AEBP2: variants seen among roughly 807,000 people sequenced by gnomAD.
AEBP2 encodes AE binding protein 2, also known as zinc finger protein AEBP2.
A neutral mutation model predicts 50.8 loss-of-function variants in AEBP2; 10 were observed. That is an observed-to-expected ratio of 0.20 (90% CI 0.12 to 0.33). The LOEUF is 0.33. Among genes scored for constraint, AEBP2 ranks in the 10% least tolerant of loss-of-function variants. The pLI is 1.00. For missense variants in AEBP2, 570 were observed against 688.0 expected, an observed-to-expected ratio of 0.83 and a Z score of 1.92; for synonymous variants, 296 against 261.3, an observed-to-expected ratio of 1.13 and a Z score of -1.28.
chr12:19,434,648 T>C (rs2638413), upstream of AEBP2, among the ~76,000 whole-genome samples: 24,974 of 152,172 alleles, frequency 0.16, 3,609 homozygotes, highest in African/African-American at 0.39. Context: ...ATCAAACCTG[T>C]CACCTGATGC....
intron 1 of AEBP2, among the ~76,000 whole-genome samples, chr12:19,421,160 A>G (rs1276604715): frequency 6.6e-6 from 1 of 151,832 alleles, no homozygotes; most frequent in African/African-American, 2.4e-5. Flanking sequence ...GCCTGGCCAC[A>G]TAGTGAAACC....
At chr12:19,431,143 A>G (rs963802665) in intron 1 of AEBP2, among the ~76,000 whole-genome samples, 4 of 152,218 alleles carry the variant, frequency 2.6e-5, no homozygotes, top group Non-Finnish European at 4.4e-5. Flanking sequence ...AAATAGGGGT[A>G]TGACTAAAGC....
At position 19,512,558 on chromosome 12, in the gene AEBP2, AAAAG is replaced by A; in HGVS notation, c.1367+97_1367+100del. ...AAAAATTATTTATTAAATTCAAATA[AAAAG>A]AAATTACATTTTACAACGTTTTGAG... On this transcript the variant is annotated intron_variant, in intron 6 of 7. Coordinates refer to ENST00000266508, the MANE Select transcript of AEBP2 (RefSeq NM_153207.5). The A allele has an allele frequency of 9.1e-6, 8 of 879,132 alleles. No individual in the cohort carries two copies. In the South Asian group the frequency reaches 1.1e-4, roughly 13 times the overall value. 54.5% of individuals were successfully genotyped at this position (879,132 alleles called of 1,614,324 possible). A position where few individuals can be genotyped will look rare whatever the true frequency, so the allele number is the denominator to read the frequency against.
chr12:19,455,963 A>C (rs1289049829), intron 1 of AEBP2, among the ~76,000 whole-genome samples: 1 of 151,264 alleles, frequency 6.6e-6, no homozygotes, highest in Non-Finnish European at 1.5e-5. Flanking sequence ...TTTCCTCATT[A>C]AACTTTTTTA....
intron 3 of AEBP2, among the ~76,000 whole-genome samples, chr12:19,490,268 C>G (rs559004473): frequency 3.9e-5 from 6 of 152,140 alleles, no homozygotes; most frequent in African/African-American, 1.2e-4. Context: ...TCAGACTAGC[C>G]AAGTTTCAAA....
upstream of AEBP2, among the ~76,000 whole-genome samples, chr12:19,434,706 C>G (rs534581522): frequency 6.6e-6 from 1 of 152,156 alleles, no homozygotes; most frequent in Non-Finnish European, 1.5e-5. Context: ...TTCAACACTT[C>G]AGTTATTTAA....
rs551785563 is a variant in AEBP2, at chr12:19,519,294, A to G, written c.*1177A>G. 6.5e-6 allele frequency: 1 copy of G among 152,696 alleles called. No homozygotes were observed. The highest frequency in any genetic ancestry group is 1.9e-4 in the East Asian group (1 of 5,186). 9.5% of individuals were successfully genotyped at this position (152,696 alleles called of 1,614,324 possible). On this transcript the variant is annotated 3_prime_UTR_variant, in exon 8 of 8. Coordinates refer to ENST00000266508, the MANE Select transcript of AEBP2 (RefSeq NM_153207.5). ...GGCATGAAAGTTAAATGTATATATT[A>G]TGGTAGAAATAATATTGAAGGATAT...
chr12:19,444,054 G>C (rs1370698540), intron 1 of AEBP2, among the ~76,000 whole-genome samples: 2 of 152,096 alleles, frequency 1.3e-5, no homozygotes, highest in African/African-American at 4.8e-5. Context: ...CTAAAAACTA[G>C]CTTTTCTTTA....
At chr12:19,511,506 CG>C (rs1429415966) in intron 5 of AEBP2, among the ~76,000 whole-genome samples, 1 of 152,104 alleles carries the variant, frequency 6.6e-6, no homozygotes, top group Non-Finnish European at 1.5e-5. Context: ...CCTAAGTGCT[CG>C]GGGGAACTGT....
intron 2 of AEBP2, among the ~76,000 whole-genome samples, chr12:19,472,491 C>T (rs1027874407): frequency 6.6e-6 from 1 of 152,158 alleles, no homozygotes; most frequent in Non-Finnish European, 1.5e-5. Flanking sequence ...CCTAGTTATA[C>T]TTAGTACCCT....
chr12:19,479,712 T>C (rs1948697544), intron 3 of AEBP2, among the ~76,000 whole-genome samples: 1 of 133,896 alleles, frequency 7.5e-6, no homozygotes, highest in South Asian at 2.3e-4. Flanking sequence ...GTCACCTCTT[T>C]GTGGGTTTTT....
At chr12:19,500,521 AG>A (rs1328661457) in intron 5 of AEBP2, among the ~76,000 whole-genome samples, 4 of 152,182 alleles carry the variant, frequency 2.6e-5, no homozygotes, top group African/African-American at 9.7e-5. Flanking sequence ...TAGCTAAACC[AG>A]GTGTCTTTTC....
chr12:19,404,599 C>T (rs547963521), intron 1 of AEBP2, among the ~76,000 whole-genome samples: 1 of 152,156 alleles, frequency 6.6e-6, no homozygotes, highest in Non-Finnish European at 1.5e-5. Context: ...AACACCGGCT[C>T]CTATCCGCCA....
At position 19,522,076 on chromosome 12, in the gene AEBP2, T is replaced by G. The variant is rs1403461355; in HGVS notation, c.*3959T>G. On this transcript the variant is annotated 3_prime_UTR_variant, in exon 8 of 8. Coordinates refer to ENST00000266508, the MANE Select transcript of AEBP2 (RefSeq NM_153207.5). ...AAATCGTGTCACCTGAATTTTTTTT[T>G]TTTGAGATAAGTGGACATTTTGGGG... is the stretch of plus-strand genomic sequence containing the variant. The G allele has an allele frequency of 6.6e-6, 1 of 152,060 alleles. No individual in the cohort carries two copies. Among genetic ancestry groups the G allele is most frequent in the Non-Finnish European group, 1.5e-5 (1 of 67,980 alleles). The allele number at this position is 152,060 out of a possible 1,614,324, so 9.4% of individuals were successfully genotyped here.
intron 1 of AEBP2, among the ~76,000 whole-genome samples, chr12:19,458,488 T>C (rs1488415945): frequency 6.6e-6 from 1 of 152,224 alleles, no homozygotes; most frequent in Non-Finnish European, 1.5e-5. Flanking sequence ...AAGCTCATGC[T>C]CTTAACATTT....
At chr12:19,485,887 A>G (rs898361394) in intron 3 of AEBP2, among the ~76,000 whole-genome samples, 1 of 149,154 alleles carries the variant, frequency 6.7e-6, no homozygotes, top group Non-Finnish European at 1.5e-5. Flanking sequence ...ATAGTAGAAG[A>G]TGAGTGGCAG....
intron 5 of AEBP2, among the ~76,000 whole-genome samples, chr12:19,504,630 A>T (rs1023455209): frequency 2.0e-5 from 3 of 152,080 alleles, no homozygotes; most frequent in Non-Finnish European, 4.4e-5. Context: ...TGTGGTATTT[A>T]GATTGATATG....
intron 3 of AEBP2, among the ~76,000 whole-genome samples, chr12:19,488,930 A>G (rs1411158358): frequency 6.6e-6 from 1 of 152,100 alleles, no homozygotes; most frequent in Non-Finnish European, 1.5e-5. Flanking sequence ...CTGGGATTAC[A>G]GGCATCTGCT....
At chr12:19,489,873 T>A (rs1253933920) in intron 3 of AEBP2, among the ~76,000 whole-genome samples, 5 of 152,028 alleles carry the variant, frequency 3.3e-5, no homozygotes, top group African/African-American at 1.2e-4. Context: ...TACTTCTGTT[T>A]TTTTTTAATG....
Sources: gnomAD v4.1 joint callset for allele counts (sites outside exome capture counted in the v4.1 genomes callset) on GRCh38, gnomAD v4.1.1 for gene constraint, MANE v1.5 for transcripts, NCBI Gene and HGNC (gene_info 2026-07-23, HGNC 2026-07-21) for gene names.